AP4E1: variants seen among roughly 807,000 people sequenced by gnomAD.
AP4E1 encodes adaptor related protein complex 4 subunit epsilon 1, also known as AP-4 complex subunit epsilon-1.
Under a neutral mutation model 128.2 loss-of-function variants are expected in AP4E1, and 56 were observed. That is an observed-to-expected ratio of 0.44 (90% CI 0.35 to 0.55). AP4E1 has a LOEUF of 0.55. AP4E1 is among the 20% of genes least tolerant of loss of function. The probability of loss-of-function intolerance (pLI) is 0.00; values close to 1 mark genes in which losing one functional copy is unlikely to be tolerated. For missense variants in AP4E1, 1,324 were observed against 1,307.7 expected, an observed-to-expected ratio of 1.01 and a Z score of -0.19; for synonymous variants, 484 against 473.1, an observed-to-expected ratio of 1.02 and a Z score of -0.30.
At chr15:50,952,844 A>G (rs2064170288) in intron 13 of AP4E1, among the ~76,000 whole-genome samples, 1 of 152,150 alleles carries the variant, frequency 6.6e-6, no homozygotes, top group Non-Finnish European at 1.5e-5. Context: ...TACATAGGCA[A>G]TGTTGTGTAT....
chr15:50,959,351 A>G (rs954560511), intron 14 of AP4E1, among the ~76,000 whole-genome samples: 3 of 152,230 alleles, frequency 2.0e-5, no homozygotes, highest in South Asian at 2.1e-4. Flanking sequence ...GAGTATTCCT[A>G]TCAGACAAAT....
chr15:50,963,669 T>A (rs558371727), intron 14 of AP4E1, among the ~76,000 whole-genome samples: 1 of 152,186 alleles, frequency 6.6e-6, no homozygotes, highest in Admixed American at 6.5e-5. Context: ...CTATAGTTAG[T>A]AATAATTGTA....
chr15:50,910,564 T>C, intron 1 of AP4E1, among the ~76,000 whole-genome samples: 1 of 152,218 alleles, frequency 6.6e-6, no homozygotes. Flanking sequence ...TCTGAAGGTT[T>C]AAAAAAAATA....
At chr15:50,937,260 G>C (rs1237689892) in intron 8 of AP4E1, among the ~76,000 whole-genome samples, 1 of 152,196 alleles carries the variant, frequency 6.6e-6, no homozygotes, top group African/African-American at 2.4e-5. Context: ...AGCTGGTACT[G>C]TGTTAATGAG....
At position 50,958,551 on chromosome 15, in the gene AP4E1, G is replaced by C; in HGVS notation, c.1608G>C (p.Lys536Asn). Residue 536 changes from lysine (K) to asparagine (N), a missense_variant, in exon 14 of 21, where the codon AAG becomes AAC. Lys to Asn is a moderately conservative substitution (Grantham distance 94, BLOSUM62 0). Transcript: ENST00000261842. ...AAACGCCAGAGGAAGTTATAGCTAA[G>C]CTCTACAAGTTACTTATGAATGACT... is the stretch of plus-strand genomic sequence containing the variant. ...DKETPEEVIA[K>N]LYKLLMNDSV... The C allele has an allele frequency of 6.2e-7, 1 of 1,613,976 alleles. No individual in the cohort carries two copies. The highest frequency in any genetic ancestry group is 8.5e-7 in the Non-Finnish European group (1 of 1,179,974).
rs754664264 is a variant in AP4E1, at chr15:50,949,906, T to C, written c.1397T>C (p.Ile466Thr). The stretch of plus-strand genomic sequence containing the variant: ...GGAGGAGATGTAATGCATCCTGATA[T>C]TCCCAATAACTTTCTGAGACTACTA... ...SVGGDVMHPD[I>T]PNNFLRLLAE... The change falls in exon 12 of 21, where the codon ATT (isoleucine) becomes ACT (threonine). Residue 466 changes from isoleucine (I) to threonine (T), a missense_variant. Transcript: ENST00000261842. 4 of 1,613,604 alleles carry C rather than the reference T, an allele frequency of 2.5e-6. No homozygotes were observed. The highest frequency in any genetic ancestry group is 3.4e-6 in the Non-Finnish European group (4 of 1,179,728).
intron 7 of AP4E1, 48 bp from the exon 8 acceptor site, chr15:50,934,576 G>A (rs2141164615): frequency 7.7e-7 from 1 of 1,305,452 alleles, no homozygotes; most frequent in Non-Finnish European, 1.1e-6. Flanking sequence ...CTGTTTTATT[G>A]GGTTAGAATA....
intron 11 of AP4E1, among the ~76,000 whole-genome samples, chr15:50,948,494 T>C (rs1378839277): frequency 1.3e-5 from 2 of 152,116 alleles, no homozygotes; most frequent in Admixed American, 6.6e-5. Context: ...TTCTTGCTTT[T>C]TGGGGAAAGT....
intron 6 of AP4E1, 96 bp from the exon 7 acceptor site, chr15:50,930,709 G>A: frequency 8.7e-7 from 1 of 1,144,714 alleles, no homozygotes; most frequent in East Asian, 2.3e-5. Context: ...ATAAACTTAA[G>A]TATGTATTAA....
chr15:50,914,805 T>C (rs906795390), intron 2 of AP4E1, among the ~76,000 whole-genome samples: 2 of 152,196 alleles, frequency 1.3e-5, no homozygotes, highest in African/African-American at 4.8e-5. Context: ...TAAAAATTTT[T>C]GGCTTGCATT....
intron 5 of AP4E1, among the ~76,000 whole-genome samples, chr15:50,927,202 AT>A (rs1567215278): frequency 6.6e-6 from 1 of 151,982 alleles, no homozygotes; most frequent in African/African-American, 2.4e-5. Flanking sequence ...TCCCGTTTCA[AT>A]TTTTTTCTTT....
chr15:50,966,091 C>G (rs1325364956), intron 14 of AP4E1, among the ~76,000 whole-genome samples: 1 of 151,856 alleles, frequency 6.6e-6, no homozygotes, highest in Non-Finnish European at 1.5e-5. Flanking sequence ...CTAATTTTTT[C>G]TGTAATTTTA....
intron 3 of AP4E1, among the ~76,000 whole-genome samples, chr15:50,923,593 A>G (rs2063733619): frequency 6.6e-6 from 1 of 152,192 alleles, no homozygotes; most frequent in Non-Finnish European, 1.5e-5. Flanking sequence ...TAAAATAGCA[A>G]TTATAAAATA....
In AP4E1 at chr15:50,919,903, C is replaced by G. The variant is rs147457761; in HGVS notation, c.347-4028C>G. The stretch of plus-strand genomic sequence containing the variant: ...ACCAGCCTGGCCAGCATGGTGAAAC[C>G]CCATCTCTACTAAGAATACAAAGAT... On this transcript the variant is annotated intron_variant, in intron 3 of 20. Transcript: ENST00000261842. Among the ~76,000 whole-genome samples, 413 of 151,656 alleles carry G rather than the reference C, an allele frequency of 2.7e-3. 3 individuals are homozygous for G. Among genetic ancestry groups the G allele is most frequent in the African/African-American group, 9.4e-3 (387 of 41,370 alleles).
At chr15:50,984,542 G>C (rs969755295) in intron 16 of AP4E1, among the ~76,000 whole-genome samples, 10 of 145,586 alleles carry the variant, frequency 6.9e-5, no homozygotes, top group Non-Finnish European at 1.3e-4. Flanking sequence ...CCACCTATGA[G>C]TGAGAACATG....
chr15:50,964,393 TTTTG>T (rs2064359711), intron 14 of AP4E1, among the ~76,000 whole-genome samples: 1 of 152,164 alleles, frequency 6.6e-6, no homozygotes, highest in African/African-American at 2.4e-5. Flanking sequence ...TTTATTTTTG[TTTTG>T]TTTATCTGTG....
chr15:50,910,697 C>G (rs996896520), intron 1 of AP4E1, among the ~76,000 whole-genome samples: 1 of 152,182 alleles, frequency 6.6e-6, no homozygotes, highest in African/African-American at 2.4e-5. Flanking sequence ...ACTCTGTCGC[C>G]CAGGCTGGAA....
At chr15:50,954,467 T>A (rs567252938) in intron 13 of AP4E1, among the ~76,000 whole-genome samples, 14 of 151,992 alleles carry the variant, frequency 9.2e-5, no homozygotes, top group African/African-American at 3.4e-4. Context: ...TTTGTTGTTG[T>A]TGTTGTTGTT....
In AP4E1 at chr15:50,969,808, G is replaced by A. The variant is rs2064453654; in HGVS notation, c.1966+1431G>A. ...CGAGTAGCTGGGACTACAAGCGCCGGCCACCACGCCCAGCTAATTTTTTTG... is the reference window on the plus strand; with the variant it reads ...CGAGTAGCTGGGACTACAAGCGCCGACCACCACGCCCAGCTAATTTTTTTG... On this transcript the variant is annotated intron_variant, in intron 15 of 20. Coordinates refer to ENST00000261842, the MANE Select transcript of AP4E1 (RefSeq NM_007347.5). Among the ~76,000 whole-genome samples, 4 of 151,900 alleles carry A rather than the reference G, an allele frequency of 2.6e-5. No homozygotes were observed. The East Asian group carries it at 7.8e-4, about 29-fold the overall frequency.
Sources: allele counts gnomAD v4.1 joint callset (sites outside exome capture counted in the v4.1 genomes callset), GRCh38; gene constraint gnomAD v4.1.1; transcripts MANE v1.5; gene names NCBI Gene and HGNC (gene_info 2026-07-23, HGNC 2026-07-21).